Variants in SRCIN1 observed in about 807,000 individuals in gnomAD.
The protein encoded by SRCIN1 is SRC kinase signaling inhibitor 1, also known as P130Cas-associated protein.
A neutral mutation model predicts 116.2 loss-of-function variants in SRCIN1; 50 were observed. The ratio of observed to expected loss-of-function variants is 0.43; its 90% CI spans 0.34 to 0.54. The LOEUF (loss-of-function observed/expected upper bound fraction) is 0.54. Ranked by LOEUF, SRCIN1 falls within the 20% of genes least tolerant of loss-of-function variation. SRCIN1 has a pLI of 0.02. For synonymous variants in SRCIN1, 736 were observed against 750.0 expected (o/e 0.98, Z 0.30); for missense variants, 1,446 against 1,672.0 (o/e 0.86, Z 2.36).
Position 38,568,938 on chromosome 17 carries a change from C to T in SRCIN1, c.325-707G>A, listed in dbSNP as rs564289740. Among the ~76,000 whole-genome samples the T allele has an allele frequency of 3.1e-3, 272 of 87,374 alleles. 2 individuals are homozygous for T. Among genetic ancestry groups the T allele is most frequent in the African/African-American group, 0.012 (261 of 21,670 alleles). The allele number at this position is 87,374 out of a possible 152,430, so 57.3% of individuals were successfully genotyped here. ...GGATCAGGATGGATGGGGCAGGGGT[C>T]GGAGGAGGGGGGCTGGGGCCCAAGG... On this transcript the variant is annotated intron_variant, in intron 2 of 18. Transcript: ENST00000617146. This position sits in a 1 kb window ranked among gnomAD's most constrained non-coding sequence, Gnocchi z 4.5.
In SRCIN1 at chr17:38,549,200, G is replaced by A. The variant is rs760660205; in HGVS notation, c.2973C>T (p.Thr991=). 5.2e-6 allele frequency: 8 copies of A among 1,536,228 alleles called. No individual in the cohort carries two copies. Among genetic ancestry groups the A allele is most frequent in the East Asian group, 2.3e-5 (1 of 42,622 alleles). Reference sequence around the variant, plus strand: ...GCTTCTCTGTGCGGTATCGGGGCACGGTCAACTCATCTGCAGGCACCAAGG... The same window carrying A: ...GCTTCTCTGTGCGGTATCGGGGCACAGTCAACTCATCTGCAGGCACCAAGG... ...PSGRRGSDEL[T]VPRYRTEKPS... Residue 991 remains threonine (T), a synonymous_variant, in exon 16 of 19, where the codon ACC becomes ACT. Transcript: ENST00000617146.
intron 18 of SRCIN1, among the ~76,000 whole-genome samples, chr17:38,537,371 G>C (rs1186437384): frequency 6.6e-6 from 1 of 151,908 alleles, no homozygotes; most frequent in Non-Finnish European, 1.5e-5. Flanking sequence ...GCTTGATGGC[G>C]CCACCTGCAG....
rs1043272784 is a variant in SRCIN1 at position 38,550,489 on chromosome 17, G to A, written c.2962+666C>T. On this transcript the variant is annotated intron_variant, in intron 15 of 18. Coordinates refer to ENST00000617146, the MANE Select transcript of SRCIN1 (RefSeq NM_025248.3). The stretch of plus-strand genomic sequence containing the variant: ...AGCCTGGGCGACAGAGACAGACCCC[G>A]TCTCAAAAACAATAAATAAATAAAA... 2.4e-4 allele frequency among the ~76,000 whole-genome samples: 36 copies of A among 151,766 alleles called. No individual in the cohort carries two copies. The East Asian group carries it at 3.1e-3, about 13-fold the overall frequency.
chr17:38,559,894 A>G, intron 9 of SRCIN1, 122 bp from the exon 10 acceptor site: 2 of 1,384,396 alleles, frequency 1.4e-6, no homozygotes, highest in South Asian at 1.4e-5. Context: ...CCGTGGCTCT[A>G]CCTGCCCCAA....
chr17:38,597,030 C>T (rs1908762656), intron 1 of SRCIN1, among the ~76,000 whole-genome samples: 1 of 152,212 alleles, frequency 6.6e-6, no homozygotes, highest in Non-Finnish European at 1.5e-5. Flanking sequence ...CCCACTCAGG[C>T]ACAGCCCTCC....
At position 38,552,019 on chromosome 17, in the gene SRCIN1, G is replaced by C; in HGVS notation, c.2594C>G (p.Pro865Arg). ...CTCATGCAGGTTCAGCGGGGGGCTG[G>C]GGGGTGGCATTTCGAAGTCCACGCT... ...NKSVDFEMPP[P>R]SPPLNLHELS... The change falls in exon 14 of 19, where the codon CCC (proline) becomes CGC (arginine). Residue 865 changes from proline to arginine, a missense_variant. By Grantham distance (103) the Pro-to-Arg change is moderately radical. This residue lies in a region of SRCIN1 where 531 missense variants were observed against 633.9 expected (regional missense o/e 0.84). Transcript: ENST00000617146. The surrounding 1 kb of genome is among the most constrained non-coding windows in gnomAD (Gnocchi z 5.3). The C allele has an allele frequency of 1.9e-6, 3 of 1,613,872 alleles. No homozygotes were observed. The highest frequency in any genetic ancestry group is 1.7e-6 in the Non-Finnish European group (2 of 1,179,886).
intron 1 of SRCIN1, among the ~76,000 whole-genome samples, chr17:38,588,215 G>T (rs965588899): frequency 6.6e-6 from 1 of 152,214 alleles, no homozygotes; most frequent in Non-Finnish European, 1.5e-5. Flanking sequence ...TGTCAGAGTT[G>T]TATCAGACCC....
intron 18 of SRCIN1, among the ~76,000 whole-genome samples, chr17:38,541,111 C>T (rs1367538539): frequency 1.3e-5 from 2 of 151,914 alleles, no homozygotes; most frequent in South Asian, 2.1e-4. Context: ...TGGTGGTGGG[C>T]GCCTGTAATC....
intron 11 of SRCIN1, among the ~76,000 whole-genome samples, chr17:38,553,751 CT>C (rs768472409): frequency 6.6e-6 from 1 of 152,190 alleles, no homozygotes; most frequent in Non-Finnish European, 1.5e-5. Context: ...AACATCCAAA[CT>C]TTTCAATGCA....
chr17:38,577,957 G>C (rs1461618348), intron 2 of SRCIN1, among the ~76,000 whole-genome samples: 1 of 152,126 alleles, frequency 6.6e-6, no homozygotes, highest in Non-Finnish European at 1.5e-5. Context: ...GAACAGGGAG[G>C]AAAGAGGTCA....
chr17:38,562,463 C>T lies in SRCIN1; in HGVS notation c.835-135G>A, dbSNP rs1906337500. 2 of 1,092,292 alleles carry T rather than the reference C, an allele frequency of 1.8e-6. No individual in the cohort carries two copies. The highest frequency in any genetic ancestry group is 1.8e-5 in the South Asian group (1 of 55,092). The allele number at this position is 1,092,292 out of a possible 1,614,324, so 67.7% of individuals were successfully genotyped here. A position where few individuals can be genotyped will look rare whatever the true frequency, so the allele number is the denominator to read the frequency against. On this transcript the variant is annotated intron_variant, in intron 6 of 18. Transcript: ENST00000617146. The surrounding 1 kb of genome is among the most constrained non-coding windows in gnomAD (Gnocchi z 4.2). ...TCTCTGCCCTCCCTCCATCCTGCTGCGTCTAGGGTCCCTTTCCCATCAGGG... is the reference window on the plus strand; with the variant it reads ...TCTCTGCCCTCCCTCCATCCTGCTGTGTCTAGGGTCCCTTTCCCATCAGGG...
At chr17:38,582,337 G>A (rs1450639550) in intron 1 of SRCIN1, among the ~76,000 whole-genome samples, 4 of 152,150 alleles carry the variant, frequency 2.6e-5, no homozygotes, top group African/African-American at 9.7e-5. Context: ...AGGGTCCCCA[G>A]GTCACCCAGT....
chr17:38,576,700 A>G (rs1393187683), intron 2 of SRCIN1, among the ~76,000 whole-genome samples: 3 of 149,282 alleles, frequency 2.0e-5, no homozygotes, highest in African/African-American at 7.4e-5. Context: ...TTTCCCTCCA[A>G]CCCTCCTATT....
intron 9 of SRCIN1, 117 bp downstream of exon 9, chr17:38,559,937 C>G: frequency 3.0e-6 from 4 of 1,352,590 alleles, no homozygotes; most frequent in Non-Finnish European, 4.1e-6. Flanking sequence ...ACCAAAGTGC[C>G]AGGAAAAAGA....
At position 38,558,449 on chromosome 17, in the gene SRCIN1, G is replaced by C; in HGVS notation, c.2026-47C>G. 1 of 1,539,176 alleles carries C rather than the reference G, an allele frequency of 6.5e-7. No homozygotes were observed. The highest frequency in any genetic ancestry group is 2.1e-5 in the Admixed American group (1 of 48,382). Reference sequence around the variant, plus strand: ...GGACCCGGGTGGGGGGAGCGGAGCCGCGAGGCAGGGGAAGGGCCGGGAGAA... The same window carrying C: ...GGACCCGGGTGGGGGGAGCGGAGCCCCGAGGCAGGGGAAGGGCCGGGAGAA... On this transcript the variant is annotated intron_variant, in intron 10 of 18. Coordinates refer to ENST00000617146, the MANE Select transcript of SRCIN1 (RefSeq NM_025248.3). This position sits in a 1 kb window ranked among gnomAD's most constrained non-coding sequence, Gnocchi z 4.6.
At chr17:38,579,273 T>C (rs564865842) in intron 1 of SRCIN1, among the ~76,000 whole-genome samples, 1 of 152,332 alleles carries the variant, frequency 6.6e-6, no homozygotes, top group Non-Finnish European at 1.5e-5. Context: ...CGGGGAGCCC[T>C]GCCTCCTCCC....
chr17:38,542,625 G>A (rs577725656), intron 18 of SRCIN1: 44 of 160,272 alleles, frequency 2.7e-4, no homozygotes, highest in Middle Eastern at 3.2e-3. Flanking sequence ...GCTGCGGGGG[G>A]CTGGAGGGCT....
chr17:38,589,336 T>C (rs1329257129), intron 1 of SRCIN1, among the ~76,000 whole-genome samples: 1 of 152,196 alleles, frequency 6.6e-6, no homozygotes, highest in African/African-American at 2.4e-5. Flanking sequence ...ACAGGGAGAA[T>C]GTCATGCCAG....
intron 2 of SRCIN1, among the ~76,000 whole-genome samples, chr17:38,570,000 T>C (rs1184662849): frequency 6.6e-6 from 1 of 152,078 alleles, no homozygotes; most frequent in African/African-American, 2.4e-5. Context: ...TCAAGTCCCT[T>C]ACCCACCACT....
Sources: allele counts gnomAD v4.1 joint callset (sites outside exome capture counted in the v4.1 genomes callset), GRCh38; gene constraint gnomAD v4.1.1; regional missense constraint gnomAD v4.1.1; non-coding constraint Gnocchi (gnomAD v3.1); transcripts MANE v1.5; gene names NCBI Gene and HGNC (gene_info 2026-07-23, HGNC 2026-07-21).